MZT2B: variants seen among roughly 807,000 people sequenced by gnomAD.
The protein encoded by MZT2B is mitotic-spindle organizing protein 2B.
Under a neutral mutation model 12.1 loss-of-function variants are expected in MZT2B, and 11 were observed. That is an observed-to-expected ratio of 0.91 (90% confidence interval 0.57 to 1.50). MZT2B has a LOEUF of 1.50. MZT2B is among the 40% of genes most tolerant of loss of function. The probability of loss-of-function intolerance (pLI) is 0.00; values close to 1 mark genes in which losing one functional copy is unlikely to be tolerated. For synonymous variants in MZT2B, 85 were observed against 109.5 expected (o/e 0.78, Z 1.40); for missense variants, 209 against 227.7 (o/e 0.92, Z 0.53).
At chr2:130,181,839 T>G (rs1558772423), upstream of MZT2B, 7 of 1,541,236 alleles carry the variant, frequency 4.5e-6, no homozygotes, top group Non-Finnish European at 5.3e-6. Context: ...GCGTAAGCAG[T>G]ATTGTTGATT....
intron 2 of MZT2B, chr2:130,184,315 T>C (rs1689966359): frequency 6.1e-6 from 6 of 985,410 alleles, no homozygotes; most frequent in Non-Finnish European, 7.2e-6. Context: ...GACAAACACC[T>C]CGGCCTCTTA....
rs189084238 is a variant in MZT2B at position 130,186,469 on chromosome 2, A to G, written c.319+3694A>G. Among the ~76,000 whole-genome samples, 51 of 152,360 alleles carry G rather than the reference A, an allele frequency of 3.3e-4. No homozygotes were observed. In the East Asian group the frequency reaches 8.9e-3, roughly 26 times the overall value. ...CGTTCTATTTAAGTTTAGAGAAACT[A>G]TACGTTTTAAAAGTTGTCCAGAGCA... On this transcript the variant is annotated intron_variant, in intron 2 of 2. Transcript: ENST00000281871.
At chr2:130,193,826 C>T (rs780831143), downstream of MZT2B, 19 of 1,613,530 alleles carry the variant, frequency 1.2e-5, no homozygotes, top group Non-Finnish European at 1.4e-5. Flanking sequence ...CTGGATAGTG[C>T]GCTTGGTCTT....
chr2:130,193,982 G>C, downstream of MZT2B: 1 of 1,614,214 alleles, frequency 6.2e-7, no homozygotes, highest in Non-Finnish European at 8.5e-7. Flanking sequence ...CTCGGCCACA[G>C]ACAGCTGCTC....
intron 2 of MZT2B, among the ~76,000 whole-genome samples, chr2:130,186,049 T>C (rs761140744): frequency 6.6e-6 from 1 of 152,022 alleles, no homozygotes; most frequent in Non-Finnish European, 1.5e-5. Flanking sequence ...GATGGAATGC[T>C]GAGAGCTCTC....
upstream of MZT2B, chr2:130,182,155 C>T (rs1689712698): frequency 7.9e-7 from 1 of 1,262,148 alleles, no homozygotes; most frequent in Non-Finnish European, 1.0e-6. Flanking sequence ...CGGCCCCGTC[C>T]CCGCGCTCCC....
chr2:130,196,787 C>G, the MZT2B span, among the ~76,000 whole-genome samples: 1 of 152,180 alleles, frequency 6.6e-6, no homozygotes, highest in Non-Finnish European at 1.5e-5. Context: ...CACCATGGTC[C>G]AAGCCCAGGT....
At chr2:130,188,763 G>T (rs1401867591) in intron 2 of MZT2B, among the ~76,000 whole-genome samples, 1 of 152,088 alleles carries the variant, frequency 6.6e-6, no homozygotes, top group Non-Finnish European at 1.5e-5. Context: ...GAATTTTCTG[G>T]TATTAGCATA....
At chr2:130,185,758 G>A (rs1180253431) in intron 2 of MZT2B, among the ~76,000 whole-genome samples, 2 of 144,564 alleles carry the variant, frequency 1.4e-5, no homozygotes, top group Non-Finnish European at 3.0e-5. Context: ...GAGGGGCCAG[G>A]AGGATTAGGG....
downstream of MZT2B, among the ~76,000 whole-genome samples, chr2:130,194,683 TG>T: frequency 6.6e-6 from 1 of 152,134 alleles, no homozygotes; most frequent in South Asian, 2.1e-4. Flanking sequence ...TCTAAGTTTT[TG>T]CTTGTTTGTT....
At chr2:130,181,759 T>C (rs552704948), upstream of MZT2B, 7,027 of 1,547,778 alleles carry the variant, frequency 4.5e-3, 27 homozygotes, top group Non-Finnish European at 5.5e-3. Context: ...GGTCCTTAGC[T>C]GAATGCGCCT....
chr2:130,184,229 G>A lies in MZT2B; in HGVS notation c.319+1454G>A, dbSNP rs1689959259. 4 of 1,398,616 alleles carry A rather than the reference G, an allele frequency of 2.9e-6. No individual in the cohort carries two copies. The South Asian group carries it at 6.2e-5, about 22-fold the overall frequency. 86.6% of individuals were successfully genotyped at this position (1,398,616 alleles called of 1,614,324 possible). Reference sequence around the variant, plus strand: ...ACCCCAGAGGCGAACTGTGGTGAGTGTAAAGAGCCCCTCTCCAAGGGAAGA... The same window carrying A: ...ACCCCAGAGGCGAACTGTGGTGAGTATAAAGAGCCCCTCTCCAAGGGAAGA... On this transcript the variant is annotated intron_variant, in intron 2 of 2. Transcript: ENST00000281871.
intron 1 of MZT2B, 81 bp from the exon 2 acceptor site, chr2:130,182,546 G>GC (rs914039012): frequency 4.0e-5 from 62 of 1,558,414 alleles, no homozygotes; most frequent in Non-Finnish European, 5.0e-5. Flanking sequence ...AGGAGCCCCC[G>GC]CCCCCGTCCT....
chr2:130,189,255 A>G (rs1690173356), intron 2 of MZT2B, among the ~76,000 whole-genome samples: 1 of 152,076 alleles, frequency 6.6e-6, no homozygotes, highest in Non-Finnish European at 1.5e-5. Context: ...TGGAGTTTCT[A>G]TGAGGGTGCA....
downstream of MZT2B, among the ~76,000 whole-genome samples, chr2:130,192,790 C>CATTTA (rs1401108944): frequency 6.6e-6 from 1 of 152,182 alleles, no homozygotes; most frequent in Non-Finnish European, 1.5e-5. Flanking sequence ...GATCAGCAAA[C>CATTTA]TCGTTCTATA....
At chr2:130,184,937 G>A (rs1690000768) in intron 2 of MZT2B, 1 of 963,992 alleles carries the variant, frequency 1.0e-6, no homozygotes, top group South Asian at 4.8e-5. Context: ...AGTCAAGGCA[G>A]GTGGATCCCT....
downstream of MZT2B, among the ~76,000 whole-genome samples, chr2:130,193,606 C>CA (rs34918027): frequency 0.011 from 1,016 of 94,872 alleles, 5 homozygotes; most frequent in African/African-American, 0.02. Context: ...AAGACTGTCT[C>CA]AAAAAAAAAA....
Position 130,190,491 on chromosome 2 carries a change from C to T in MZT2B, c.342C>T (p.Ala114=). 6.2e-7 allele frequency: 1 copy of T among 1,613,676 alleles called. No homozygotes were observed. The highest frequency in any genetic ancestry group is 1.1e-5 in the South Asian group (1 of 91,080). Residue 114 remains alanine, a synonymous_variant, in exon 3 of 3, where the codon GCC becomes GCT. Coordinates refer to ENST00000281871, the MANE Select transcript of MZT2B (RefSeq NM_025029.5). ...ETRGRNKGSA[A]LGGALALAER... ...CAGGGAGAAACAAAGGCAGCGCTGC[C>T]CTCGGGGGAGCATTGGCCCTGGCGG... is the stretch of plus-strand genomic sequence containing the variant.
chr2:130,193,885 G>A (rs1690332888), downstream of MZT2B: 7 of 1,614,088 alleles, frequency 4.3e-6, no homozygotes, highest in South Asian at 3.3e-5. Context: ...CGTCCCCCCT[G>A]TACAACATGC....
Sources: allele counts gnomAD v4.1 joint callset (sites outside exome capture counted in the v4.1 genomes callset), GRCh38; gene constraint gnomAD v4.1.1; transcripts MANE v1.5; gene names NCBI Gene and HGNC (gene_info 2026-07-23, HGNC 2026-07-21).